The following MLIP variants were observed in gnomAD, a reference collection of about 807,000 sequenced individuals.
MLIP encodes muscular LMNA-interacting protein.
In MLIP, 79 loss-of-function variants were observed where a neutral mutation model predicts 84.8. That is an observed-to-expected ratio of 0.93 (90% CI 0.78 to 1.12). The LOEUF (loss-of-function observed/expected upper bound fraction) is 1.12. Ranked by LOEUF, MLIP falls within the 50% of genes most tolerant of loss-of-function variation. The pLI is 0.00. For missense variants in MLIP, 1,257 were observed against 1,160.6 expected (o/e 1.08, Z -1.21); for synonymous variants, 504 against 463.0 (o/e 1.09, Z -1.14).
chr6:54,117,710 G>C (rs1241455303), intron 1 of MLIP, among the ~76,000 whole-genome samples: 4 of 151,604 alleles, frequency 2.6e-5, no homozygotes, highest in African/African-American at 7.3e-5. Flanking sequence ...ACTTTGGGAG[G>C]CCGAGATGGG....
At chr6:54,139,529 C>A (rs1034444388) in intron 4 of MLIP, among the ~76,000 whole-genome samples, 4 of 152,208 alleles carry the variant, frequency 2.6e-5, no homozygotes, top group Admixed American at 6.5e-5. Flanking sequence ...GCCTTATAAT[C>A]TGACGGTAAT....
rs67803711 is a variant in MLIP, at chr6:54,266,031, C to CT, written c.*90dup. The CT allele has an allele frequency of 0.11, 124,146 of 1,149,428 alleles. No homozygotes were observed. The highest frequency in any genetic ancestry group is 0.15 in the East Asian group (5,085 of 33,062). The allele number at this position is 1,149,428 out of a possible 1,614,324, so 71.2% of individuals were successfully genotyped here. Reference sequence around the variant, plus strand: ...GGTGCTAACCACTTGCTAGATTTAACTTTTTTTTTTTTTTCCAGAATGAGT... The same window carrying CT: ...GGTGCTAACCACTTGCTAGATTTAACTTTTTTTTTTTTTTTCCAGAATGAGT... On this transcript the variant is annotated 3_prime_UTR_variant, in exon 14 of 14. Transcript: ENST00000502396.
intron 1 of MLIP, among the ~76,000 whole-genome samples, chr6:54,061,243 G>A (rs994175369): frequency 6.6e-6 from 1 of 152,100 alleles, no homozygotes; most frequent in Non-Finnish European, 1.5e-5. Context: ...AGGAGATGGA[G>A]GCAAGGAAAT....
At chr6:54,138,803 G>A (rs1772048801) in intron 4 of MLIP, among the ~76,000 whole-genome samples, 2 of 152,182 alleles carry the variant, frequency 1.3e-5, no homozygotes, top group South Asian at 2.1e-4. Flanking sequence ...ACTAAGGCAT[G>A]CTGGCTTCCC....
chr6:54,259,515 A>C (rs899576015), intron 13 of MLIP, among the ~76,000 whole-genome samples: 4 of 151,912 alleles, frequency 2.6e-5, no homozygotes, highest in African/African-American at 7.2e-5. Flanking sequence ...ACTGAATGTT[A>C]GGTAATGCAA....
At chr6:54,197,160 A>G (rs1053520484) in intron 10 of MLIP, among the ~76,000 whole-genome samples, 1 of 152,062 alleles carries the variant, frequency 6.6e-6, no homozygotes, top group Non-Finnish European at 1.5e-5. Flanking sequence ...CCTTGTAGGC[A>G]TTGCTTTGTA....
intron 11 of MLIP, among the ~76,000 whole-genome samples, chr6:54,225,484 C>G (rs1412462674): frequency 6.6e-6 from 1 of 152,150 alleles, no homozygotes; most frequent in African/African-American, 2.4e-5. Context: ...GATGACAACT[C>G]TAATAACAGA....
chr6:54,063,003 A>G (rs1478145596), intron 1 of MLIP, among the ~76,000 whole-genome samples: 1 of 152,012 alleles, frequency 6.6e-6, no homozygotes, highest in Admixed American at 6.6e-5. Flanking sequence ...GCAGTTCGAG[A>G]CAAGCCTGAT....
intron 1 of MLIP, among the ~76,000 whole-genome samples, chr6:54,104,849 A>G (rs775890558): frequency 6.6e-6 from 1 of 152,154 alleles, no homozygotes; most frequent in Non-Finnish European, 1.5e-5. Context: ...ATGAAAGGAA[A>G]GGGTTCTGTG....
intron 8 of MLIP, 140 bp downstream of exon 8, chr6:54,160,939 G>T (rs1774575617): frequency 4.2e-6 from 3 of 706,704 alleles, no homozygotes; most frequent in South Asian, 2.0e-5. Context: ...GAATTTTAAA[G>T]ATAGTAAATA....
intron 1 of MLIP, among the ~76,000 whole-genome samples, chr6:54,082,231 C>G (rs1767205102): frequency 6.6e-6 from 1 of 152,044 alleles, no homozygotes; most frequent in Non-Finnish European, 1.5e-5. Context: ...ATTTATTTAT[C>G]TATTCCTCTG....
intron 1 of MLIP, among the ~76,000 whole-genome samples, chr6:54,081,515 C>T (rs1767149220): frequency 6.6e-6 from 1 of 152,176 alleles, no homozygotes; most frequent in African/African-American, 2.4e-5. Flanking sequence ...TCAAGCGATT[C>T]TCCTGCCTCA....
At chr6:54,080,765 A>G (rs1767090707) in intron 1 of MLIP, among the ~76,000 whole-genome samples, 1 of 148,886 alleles carries the variant, frequency 6.7e-6, no homozygotes, top group South Asian at 2.1e-4. Context: ...TATAAATATT[A>G]TATATCTGTG....
chr6:54,100,007 A>T (rs147740982), intron 1 of MLIP, among the ~76,000 whole-genome samples: 2 of 152,300 alleles, frequency 1.3e-5, no homozygotes, highest in East Asian at 3.9e-4. Flanking sequence ...TTAAATGATG[A>T]TGATGTCACT....
chr6:54,059,165 C>T (rs939461840), intron 1 of MLIP, among the ~76,000 whole-genome samples: 1 of 152,172 alleles, frequency 6.6e-6, no homozygotes, highest in African/African-American at 2.4e-5. Context: ...GCATGCTTTC[C>T]TTCCTTCCCT....
At chr6:54,096,433 G>A (rs984907864) in intron 1 of MLIP, among the ~76,000 whole-genome samples, 2 of 152,040 alleles carry the variant, frequency 1.3e-5, no homozygotes, top group African/African-American at 4.8e-5. Flanking sequence ...GCTGTGGAAG[G>A]TGTGGTTGGC....
intron 1 of MLIP, among the ~76,000 whole-genome samples, chr6:54,070,905 G>A (rs1766443534): frequency 1.3e-5 from 2 of 152,050 alleles, no homozygotes; most frequent in South Asian, 4.1e-4. Context: ...ATTCTACACT[G>A]GTTGATTGAT....
At chr6:54,030,646 C>T (rs1055818878) in intron 1 of MLIP, 34 of 151,346 alleles carry the variant, frequency 2.2e-4, no homozygotes, top group Admixed American at 2.0e-3. Context: ...ATTCCTTGCA[C>T]GTAAGATATT....
At chr6:54,170,472 G>T (rs951088258) in intron 9 of MLIP, among the ~76,000 whole-genome samples, 1 of 151,490 alleles carries the variant, frequency 6.6e-6, no homozygotes, top group Non-Finnish European at 1.5e-5. Context: ...AGAGGATGTG[G>T]GTAGGAACAC....
Sources: allele counts gnomAD v4.1 joint callset (sites outside exome capture counted in the v4.1 genomes callset), GRCh38; gene constraint gnomAD v4.1.1; transcripts MANE v1.5; gene names NCBI Gene and HGNC (gene_info 2026-07-23, HGNC 2026-07-21).